Variants in GPC6 observed in about 807,000 individuals in gnomAD.
GPC6 encodes glypican 6, also known as glypican-6.
Under a neutral mutation model 55.2 loss-of-function variants are expected in GPC6, and 14 were observed. The ratio of observed to expected loss-of-function variants is 0.25; its 90% CI spans 0.17 to 0.40. The LOEUF is 0.40. GPC6 is among the 10% of genes least tolerant of loss of function. The pLI, the probability that GPC6 is intolerant of heterozygous loss-of-function variation, is 1.00. For missense variants in GPC6, 641 were observed against 708.5 expected, an observed-to-expected ratio of 0.90 and a Z score of 1.08; for synonymous variants, 278 against 259.6, an observed-to-expected ratio of 1.07 and a Z score of -0.68.
chr13:94,107,924 T>G (rs1435574847), intron 4 of GPC6, among the ~76,000 whole-genome samples: 1 of 152,144 alleles, frequency 6.6e-6, no homozygotes, highest in Non-Finnish European at 1.5e-5. Context: ...AAGGGAACAA[T>G]GTACACTGCT....
chr13:93,850,300 TC>T (rs1440950246), intron 3 of GPC6, among the ~76,000 whole-genome samples: 23 of 151,960 alleles, frequency 1.5e-4, no homozygotes, highest in African/African-American at 5.5e-4. Context: ...GCCTTAGAAT[TC>T]CCATTCTAAA....
chr13:94,084,297 T>C (rs1464566151), intron 4 of GPC6, among the ~76,000 whole-genome samples: 1 of 152,322 alleles, frequency 6.6e-6, no homozygotes, highest in East Asian at 1.9e-4. Context: ...GAAAACCTGC[T>C]GAACCCAAAT....
At chr13:93,974,918 G>A (rs1169138689) in intron 3 of GPC6, among the ~76,000 whole-genome samples, 1 of 152,102 alleles carries the variant, frequency 6.6e-6, no homozygotes, top group Non-Finnish European at 1.5e-5. Context: ...TAAGGCTTAG[G>A]GGAAATAGCT....
chr13:94,211,821 G>C lies in GPC6; in HGVS notation c.878-74528G>C, dbSNP rs142660314. On this transcript the variant is annotated intron_variant, in intron 4 of 8. Transcript: ENST00000377047. ...TGAAAAAGCCAATGCAATTTCCAGA[G>C]AGCAATTTACAATGGGGAGAAGAGT... Among the ~76,000 whole-genome samples, 300 of 152,312 alleles carry C rather than the reference G, an allele frequency of 2.0e-3. 1 individual carries two copies. The highest frequency in any genetic ancestry group is 7.0e-3 in the African/African-American group (289 of 41,572).
chr13:93,711,207 T>A (rs1268256770), intron 2 of GPC6, among the ~76,000 whole-genome samples: 5 of 151,840 alleles, frequency 3.3e-5, no homozygotes, highest in Admixed American at 3.3e-4. Context: ...TTTCAAGGTC[T>A]TGTGTAGCTG....
intron 2 of GPC6, among the ~76,000 whole-genome samples, chr13:93,734,420 G>T (rs1451280476): frequency 6.6e-6 from 1 of 152,104 alleles, no homozygotes; most frequent in Non-Finnish European, 1.5e-5. Context: ...AGATTGACTT[G>T]TTCTCCAATT....
In GPC6 at chr13:93,542,607, T is replaced by C. The variant is rs185351924; in HGVS notation, c.161-2656T>C. On this transcript the variant is annotated intron_variant, in intron 1 of 8. Coordinates refer to ENST00000377047, the MANE Select transcript of GPC6 (RefSeq NM_005708.5). ...GGGATGGCATTGAATCTATAAATTA[T>C]CTTGGGCAGTATGGCCATTTTCGTG... Among the ~76,000 whole-genome samples the C allele has an allele frequency of 6.8e-3, 1,042 of 152,240 alleles. 12 individuals carry two copies. The highest frequency in any genetic ancestry group is 0.021 in the African/African-American group (880 of 41,540).
chr13:94,133,278 A>C (rs1451306722), intron 4 of GPC6, among the ~76,000 whole-genome samples: 2 of 151,480 alleles, frequency 1.3e-5, no homozygotes, highest in South Asian at 2.1e-4. Flanking sequence ...AAAAAAAAAA[A>C]AAAAAAAAAA....
chr13:93,749,446 T>C (rs1168510958), intron 2 of GPC6, among the ~76,000 whole-genome samples: 1 of 152,016 alleles, frequency 6.6e-6, no homozygotes, highest in African/African-American at 2.4e-5. Context: ...CTTGATAATC[T>C]TTGATATATG....
At chr13:94,181,900 G>A (rs943297854) in intron 4 of GPC6, among the ~76,000 whole-genome samples, 1 of 152,182 alleles carries the variant, frequency 6.6e-6, no homozygotes, top group African/African-American at 2.4e-5. Context: ...ATCTTTAACT[G>A]GCTCTGAGGA....
intron 1 of GPC6, among the ~76,000 whole-genome samples, chr13:93,256,384 C>T (rs1010658534): frequency 4.6e-5 from 7 of 151,812 alleles, no homozygotes; most frequent in African/African-American, 1.2e-4. Context: ...TTTATCTCTC[C>T]TCTTACCTCT....
intron 4 of GPC6, among the ~76,000 whole-genome samples, chr13:94,122,255 C>T (rs1447503378): frequency 6.6e-6 from 1 of 152,052 alleles, no homozygotes; most frequent in Non-Finnish European, 1.5e-5. Context: ...GTGTTGGGCA[C>T]TTTGCAGGCT....
intron 1 of GPC6, among the ~76,000 whole-genome samples, chr13:93,394,388 A>G (rs1464058314): frequency 3.3e-5 from 5 of 152,216 alleles, no homozygotes; most frequent in Non-Finnish European, 7.3e-5. Flanking sequence ...ATGCTGATTG[A>G]AGGAACTGGA....
chr13:94,103,433 C>A (rs1885938031), intron 4 of GPC6, among the ~76,000 whole-genome samples: 1 of 152,170 alleles, frequency 6.6e-6, no homozygotes, highest in African/African-American at 2.4e-5. Flanking sequence ...AATGGTATTT[C>A]TAGTTCTAGA....
chr13:93,997,591 G>GTGTGTGTGTGTGTC (rs1881615312), intron 3 of GPC6, among the ~76,000 whole-genome samples: 1 of 151,612 alleles, frequency 6.6e-6, no homozygotes, highest in Admixed American at 6.6e-5. Context: ...ATGTGTGTGT[G>GTGTGTGTGTGTGTC]TGTGTGTGTG....
chr13:94,346,943 A>G (rs1465721907), intron 6 of GPC6, among the ~76,000 whole-genome samples: 1 of 152,144 alleles, frequency 6.6e-6, no homozygotes, highest in Non-Finnish European at 1.5e-5. Flanking sequence ...AACATCCTAC[A>G]CTTTCATCTA....
At chr13:93,358,577 T>C (rs1159369829) in intron 1 of GPC6, among the ~76,000 whole-genome samples, 1 of 152,154 alleles carries the variant, frequency 6.6e-6, no homozygotes, top group Non-Finnish European at 1.5e-5. Context: ...AAGCCTACAT[T>C]GAAAAACCCA....
chr13:93,818,383 T>A (rs1414172576), intron 2 of GPC6: 1 of 152,142 alleles, frequency 6.6e-6, no homozygotes, highest in African/African-American at 2.4e-5. Flanking sequence ...CACAAAATTT[T>A]TATATATAAT....
intron 2 of GPC6, among the ~76,000 whole-genome samples, chr13:93,657,828 C>G (rs549398078): frequency 1.3e-5 from 2 of 151,932 alleles, no homozygotes; most frequent in East Asian, 3.9e-4. Context: ...AAGACATACA[C>G]ACAACCAACA....
Sources: gnomAD v4.1 joint callset for allele counts (sites outside exome capture counted in the v4.1 genomes callset) on GRCh38, gnomAD v4.1.1 for gene constraint, MANE v1.5 for transcripts, NCBI Gene and HGNC (gene_info 2026-07-23, HGNC 2026-07-21) for gene names.